The following SV2C variants were observed in gnomAD, a reference collection of about 807,000 sequenced individuals.
SV2C encodes solute carrier family 22 member B3.
In SV2C, 49 loss-of-function variants were observed where a neutral mutation model predicts 79.7. That is an observed-to-expected ratio of 0.61 (90% CI 0.49 to 0.78). SV2C has a LOEUF of 0.78. Among genes scored for constraint, SV2C ranks in the 30% least tolerant of loss-of-function variants. The pLI is 0.00. For missense variants in SV2C, 833 were observed against 912.9 expected, an observed-to-expected ratio of 0.91 and a Z score of 1.13; for synonymous variants, 334 against 333.2, an observed-to-expected ratio of 1.00 and a Z score of -0.03.
the SV2C span, among the ~76,000 whole-genome samples, chr5:75,963,860 CT>C: frequency 6.6e-6 from 1 of 152,012 alleles, no homozygotes; most frequent in Non-Finnish European, 1.5e-5. Flanking sequence ...TTTTTCTTCT[CT>C]TTTTTTCTTT....
intron 4 of SV2C, among the ~76,000 whole-genome samples, chr5:76,260,778 C>T (rs925632605): frequency 6.6e-6 from 1 of 152,112 alleles, no homozygotes; most frequent in Non-Finnish European, 1.5e-5. Context: ...TTTCTGAGGC[C>T]TCTGTCCTGT....
chr5:76,108,576 G>GGGGA (rs10701249), intron 1 of SV2C, among the ~76,000 whole-genome samples: 49,840 of 151,724 alleles, frequency 0.33, 10,630 homozygotes, highest in African/African-American at 0.6. Flanking sequence ...CCATATTAGA[G>GGGGA]GGGAGAATAC....
the SV2C span, among the ~76,000 whole-genome samples, chr5:76,021,963 T>G: frequency 6.6e-6 from 1 of 152,186 alleles, no homozygotes; most frequent in Non-Finnish European, 1.5e-5. Flanking sequence ...AAACTATTCT[T>G]GGATCATTTC....
At chr5:75,945,475 C>G in the SV2C span, among the ~76,000 whole-genome samples, 1 of 150,352 alleles carries the variant, frequency 6.7e-6, no homozygotes, top group Non-Finnish European at 1.5e-5. Flanking sequence ...CCACACCAAG[C>G]TAATTATTAT....
At chr5:75,869,201 A>G in the SV2C span, among the ~76,000 whole-genome samples, 1 of 151,960 alleles carries the variant, frequency 6.6e-6, no homozygotes, top group East Asian at 1.9e-4. Flanking sequence ...ATACAGCACC[A>G]AGTGGGCTCT....
At chr5:76,032,771 G>C in the SV2C span, among the ~76,000 whole-genome samples, 16 of 152,204 alleles carry the variant, frequency 1.1e-4, no homozygotes, top group Admixed American at 1.0e-3. Flanking sequence ...CCAGTAATGG[G>C]ATGGCTGGGT....
At chr5:76,202,033 AAAAG>A (rs1247518813) in intron 3 of SV2C, among the ~76,000 whole-genome samples, 4 of 150,606 alleles carry the variant, frequency 2.7e-5, no homozygotes, top group African/African-American at 7.4e-5. Flanking sequence ...AAAAAAAAAA[AAAAG>A]AAAGAAAAAG....
intron 3 of SV2C, 119 bp from the exon 4 acceptor site, chr5:76,209,617 T>C: frequency 1.1e-6 from 1 of 949,578 alleles, no homozygotes; most frequent in Non-Finnish European, 1.5e-6. Context: ...TATATGTTTG[T>C]TGATATGCTG....
intron 4 of SV2C, among the ~76,000 whole-genome samples, chr5:76,228,953 T>A (rs7443699): frequency 6.6e-6 from 1 of 152,022 alleles, no homozygotes; most frequent in Admixed American, 6.5e-5. Flanking sequence ...TTCCATTCCA[T>A]TGGGCTGACA....
At chr5:76,315,315 T>A (rs528765031) in intron 12 of SV2C, among the ~76,000 whole-genome samples, 3 of 152,016 alleles carry the variant, frequency 2.0e-5, no homozygotes, top group Non-Finnish European at 4.4e-5. Flanking sequence ...AAATTCATTT[T>A]TTCTCTCTGA....
At chr5:76,020,120 C>G in the SV2C span, among the ~76,000 whole-genome samples, 1 of 152,162 alleles carries the variant, frequency 6.6e-6, no homozygotes, top group African/African-American at 2.4e-5. Context: ...TTCGAGTCCC[C>G]AAGCTTGCAT....
chr5:75,894,815 C>T, the SV2C span, among the ~76,000 whole-genome samples: 4 of 151,916 alleles, frequency 2.6e-5, no homozygotes, highest in Non-Finnish European at 4.4e-5. Flanking sequence ...TCTAGAAGGC[C>T]ATGCTCATGT....
In SV2C at chr5:76,217,670, T is replaced by C. The variant is rs548392958; in HGVS notation, c.913+7783T>C. 1.2e-3 allele frequency among the ~76,000 whole-genome samples: 187 copies of C among 151,662 alleles called. 2 individuals carry two copies. The South Asian group carries it at 0.014, about 11-fold the overall frequency. On this transcript the variant is annotated intron_variant, in intron 4 of 12. Coordinates refer to ENST00000502798, the MANE Select transcript of SV2C (RefSeq NM_014979.4). Reference sequence around the variant, plus strand: ...ACCCAGATTGCCAGAGCAGCCCAAATGTGAGCTACATGAAAAAAGAGGGAG... The same window carrying C: ...ACCCAGATTGCCAGAGCAGCCCAAACGTGAGCTACATGAAAAAAGAGGGAG...
chr5:76,015,120 T>C, the SV2C span, among the ~76,000 whole-genome samples: 2 of 152,182 alleles, frequency 1.3e-5, no homozygotes, highest in Non-Finnish European at 2.9e-5. Flanking sequence ...ACTTCTAGCA[T>C]GGGTGCTTAA....
the SV2C span, among the ~76,000 whole-genome samples, chr5:75,960,368 G>A: frequency 6.6e-6 from 1 of 151,926 alleles, no homozygotes; most frequent in African/African-American, 2.4e-5. Flanking sequence ...CTTATACAGT[G>A]GTGGTCTCAT....
rs562354904 is a variant in SV2C at position 76,156,282 on chromosome 5, G to GT, written c.580+23952_580+23953insT. On this transcript the variant is annotated intron_variant, in intron 2 of 12. Transcript: ENST00000502798. ...CCAAAGCCCTATTAGGGTAGCTGTGGACATACCCAAGGCTACATCCCCTGA... is the reference window on the plus strand; with the variant it reads ...CCAAAGCCCTATTAGGGTAGCTGTGGTACATACCCAAGGCTACATCCCCTGA... Among the ~76,000 whole-genome samples the GT allele has an allele frequency of 4.7e-4, 72 of 152,282 alleles. 1 individual carries two copies. In the East Asian group the frequency reaches 6.9e-3, roughly 15 times the overall value.
the SV2C span, among the ~76,000 whole-genome samples, chr5:75,952,396 C>T: frequency 1.3e-5 from 2 of 151,650 alleles, no homozygotes; most frequent in Non-Finnish European, 2.9e-5. Flanking sequence ...CCATCTTCTG[C>T]CATTCTGAAT....
intron 1 of SV2C, among the ~76,000 whole-genome samples, chr5:76,130,122 C>A (rs576533429): frequency 1.2e-3 from 168 of 135,942 alleles, no homozygotes; most frequent in Non-Finnish European, 2.1e-3. Context: ...CTCTCTTCCT[C>A]CCTTTCTCTT....
chr5:76,153,173 G>A (rs1742607358), intron 2 of SV2C, among the ~76,000 whole-genome samples: 1 of 152,116 alleles, frequency 6.6e-6, no homozygotes, highest in African/African-American at 2.4e-5. Context: ...TCTTTCCCCA[G>A]CTCAGAGGCT....
Sources: allele counts gnomAD v4.1 joint callset (sites outside exome capture counted in the v4.1 genomes callset), GRCh38; gene constraint gnomAD v4.1.1; transcripts MANE v1.5; gene names NCBI Gene and HGNC (gene_info 2026-07-23, HGNC 2026-07-21).